The following ALDH5A1 variants were observed in gnomAD, a reference collection of about 807,000 sequenced individuals.
ALDH5A1 encodes the protein succinate-semialdehyde dehydrogenase, mitochondrial.
A neutral mutation model predicts 54.7 loss-of-function variants in ALDH5A1; 33 were observed. That is an observed-to-expected ratio of 0.60 (90% confidence interval 0.46 to 0.81). ALDH5A1 has a LOEUF of 0.81. Among genes scored for constraint, ALDH5A1 ranks in the 30% least tolerant of loss-of-function variants. The probability of loss-of-function intolerance (pLI) is 0.00; values close to 1 mark genes in which losing one functional copy is unlikely to be tolerated. For synonymous variants in ALDH5A1, 294 were observed against 292.7 expected (o/e 1.00, Z -0.05); for missense variants, 657 against 711.0 (o/e 0.92, Z 0.86).
chr6:24,495,251 C>G lies in ALDH5A1; in HGVS notation c.255C>G (p.Ala85=), dbSNP rs1307947596. The change falls in exon 1 of 10, where the codon GCC becomes GCG. Residue 85 remains alanine (A), a synonymous_variant. Transcript: ENST00000357578. ...CCGTGCAAGACCCGGCCAGCGGCGC[C>G]GCTCTGGGCATGGTAGCCGACTGCG... The part of the protein sequence containing the change: ...TFPVQDPASG[A]ALGMVADCGV... The G allele has an allele frequency of 9.2e-6, 14 of 1,526,736 alleles. No individual in the cohort carries two copies. Among genetic ancestry groups the G allele is most frequent in the Non-Finnish European group, 1.2e-5 (14 of 1,143,776 alleles). 94.6% of individuals were successfully genotyped at this position (1,526,736 alleles called of 1,614,324 possible). A position where few individuals can be genotyped will look rare whatever the true frequency, so the allele number is the denominator to read the frequency against.
At chr6:24,516,000 AC>A (rs1264961331) in intron 5 of ALDH5A1, among the ~76,000 whole-genome samples, 1 of 152,210 alleles carries the variant, frequency 6.6e-6, no homozygotes, top group East Asian at 1.9e-4. Context: ...TTTGAATTGA[AC>A]AAAAATGTGT....
chr6:24,536,103 GT>G lies in ALDH5A1; in HGVS notation c.*2396del, dbSNP rs1760042671. 6.6e-6 allele frequency: 1 copy of G among 152,058 alleles called. No homozygotes were observed. The highest frequency in any genetic ancestry group is 1.5e-5 in the Non-Finnish European group (1 of 68,006). 9.4% of individuals were successfully genotyped at this position (152,058 alleles called of 1,614,324 possible). A position where few individuals can be genotyped will look rare whatever the true frequency, so the allele number is the denominator to read the frequency against. On this transcript the variant is annotated 3_prime_UTR_variant, in exon 10 of 10. Coordinates refer to ENST00000357578, the MANE Select transcript of ALDH5A1 (RefSeq NM_001080.3). ...GAAAGAGAATTATTTTTAACTGAAC[GT>G]TTTTGTTGTTTTTTAAATAAAGTAG...
chr6:24,533,662 G>A lies in ALDH5A1; in HGVS notation c.1558G>A (p.Gly520Ser), dbSNP rs1179619995. ...CCTTGGGCGAGAGGGGTCCAAGTAT[G>A]GCATTGATGAGTATCTGGAACTCAA... ...SGLGREGSKY[G>S]IDEYLELKYV... The change falls in exon 10 of 10, where the codon GGC (glycine) becomes AGC (serine). Residue 520 changes from glycine to serine, a missense_variant. Coordinates refer to ENST00000357578, the MANE Select transcript of ALDH5A1 (RefSeq NM_001080.3). 2.7e-5 allele frequency: 44 copies of A among 1,613,982 alleles called. No individual in the cohort carries two copies. Among genetic ancestry groups the A allele is most frequent in the Non-Finnish European group, 3.5e-5 (41 of 1,180,018 alleles).
chr6:24,530,345 T>C (rs1000250698), intron 8 of ALDH5A1, among the ~76,000 whole-genome samples: 5 of 152,156 alleles, frequency 3.3e-5, no homozygotes, highest in Non-Finnish European at 4.4e-5. Context: ...TACTTTGCTG[T>C]GGCTATTTTT....
rs1759664906 is a variant in ALDH5A1 at position 24,520,646 on chromosome 6, G to T, written c.1014+102G>T. On this transcript the variant is annotated intron_variant, in intron 6 of 9. Transcript: ENST00000357578. ...TGTGTGCATGTGAGTGTGTGTGTGTGTGCGTGTGTGTGTGTTACAAAGATC... is the reference window on the plus strand; with the variant it reads ...TGTGTGCATGTGAGTGTGTGTGTGTTTGCGTGTGTGTGTGTTACAAAGATC... 1.9e-5 allele frequency: 29 copies of T among 1,495,152 alleles called. 1 individual carries two copies. The South Asian group carries it at 3.0e-4, about 15-fold the overall frequency. The allele number at this position is 1,495,152 out of a possible 1,614,324, so 92.6% of individuals were successfully genotyped here.
chr6:24,516,963 T>C (rs183959954), intron 5 of ALDH5A1, among the ~76,000 whole-genome samples: 55 of 152,276 alleles, frequency 3.6e-4, no homozygotes, highest in Non-Finnish European at 7.2e-4. Flanking sequence ...TTCAAAGATT[T>C]TGTGCATCTA....
intron 8 of ALDH5A1, 74 bp from the exon 9 acceptor site, chr6:24,532,045 A>G (rs1430329611): frequency 3.6e-6 from 5 of 1,405,984 alleles, no homozygotes; most frequent in Non-Finnish European, 5.0e-6. Flanking sequence ...TTGGGAAACA[A>G]ATCAGAAGAA....
At chr6:24,529,616 G>T (rs1759889113) in intron 8 of ALDH5A1, among the ~76,000 whole-genome samples, 1 of 148,280 alleles carries the variant, frequency 6.7e-6, no homozygotes. Flanking sequence ...ACACAGTGAG[G>T]TTTTTCAGTT....
At chr6:24,531,231 C>T (rs990359822) in intron 8 of ALDH5A1, among the ~76,000 whole-genome samples, 1 of 152,102 alleles carries the variant, frequency 6.6e-6, no homozygotes, top group Non-Finnish European at 1.5e-5. Context: ...ATTTTTATTC[C>T]ACTGTTGGGG....
rs781512948 is a variant in ALDH5A1, at chr6:24,533,721, G to C, written c.*9G>C. On this transcript the variant is annotated 3_prime_UTR_variant, in exon 10 of 10. Coordinates refer to ENST00000357578, the MANE Select transcript of ALDH5A1 (RefSeq NM_001080.3). ...GTTACGGGGGCTTGTAGGATTCTTT[G>C]GTTCTTTAAAAAAATTTAAAAGGAG... The C allele has an allele frequency of 3.7e-6, 6 of 1,613,154 alleles. No individual in the cohort carries two copies. The highest frequency in any genetic ancestry group is 5.1e-6 in the Non-Finnish European group (6 of 1,179,648).
intron 9 of ALDH5A1, among the ~76,000 whole-genome samples, chr6:24,532,756 T>C (rs1759960092): frequency 6.6e-6 from 1 of 152,118 alleles, no homozygotes. Flanking sequence ...GATGCCACTA[T>C]AGCTCTATAG....
Position 24,494,979 on chromosome 6 carries a change from G to T in ALDH5A1, c.-18G>T. On this transcript the variant is annotated 5_prime_UTR_variant, in exon 1 of 10. Coordinates refer to ENST00000357578, the MANE Select transcript of ALDH5A1 (RefSeq NM_001080.3). The stretch of plus-strand genomic sequence containing the variant: ...CGCGCCCGCTTGCCTGTTTCCTGTC[G>T]CCGTCGTTGCCCGGGCCATGGCGAC... 7.6e-7 allele frequency: 1 copy of T among 1,310,808 alleles called. No individual in the cohort carries two copies. Among genetic ancestry groups the T allele is most frequent in the African/African-American group, 1.5e-5 (1 of 66,256 alleles). The allele number at this position is 1,310,808 out of a possible 1,614,324, so 81.2% of individuals were successfully genotyped here.
At chr6:24,506,972 C>A (rs188712657) in intron 4 of ALDH5A1, among the ~76,000 whole-genome samples, 64 of 152,288 alleles carry the variant, frequency 4.2e-4, no homozygotes, top group Admixed American at 4.0e-3. Flanking sequence ...GGATCTGGTC[C>A]AGGATATCCC....
chr6:24,503,518 T>C, intron 3 of ALDH5A1, 85 bp downstream of exon 3: 1 of 1,508,970 alleles, frequency 6.6e-7, no homozygotes, highest in Non-Finnish European at 9.0e-7. Flanking sequence ...TGAGCAGGTG[T>C]GCTCATCCTG....
intron 5 of ALDH5A1, among the ~76,000 whole-genome samples, chr6:24,517,897 C>T (rs1050967017): frequency 6.6e-6 from 1 of 152,218 alleles, no homozygotes; most frequent in Non-Finnish European, 1.5e-5. Context: ...CCTGCCCTGC[C>T]CTTGCCACTT....
At chr6:24,504,828 G>A (rs1414884217) in intron 3 of ALDH5A1, 41 bp from the exon 4 acceptor site, 4 of 1,569,600 alleles carry the variant, frequency 2.5e-6, no homozygotes, top group Admixed American at 1.7e-5. Context: ...TAAGGAGGTG[G>A]TCCTTCCTCT....
intron 9 of ALDH5A1, among the ~76,000 whole-genome samples, chr6:24,532,433 C>G (rs1402895362): frequency 2.0e-5 from 3 of 152,180 alleles, no homozygotes; most frequent in South Asian, 2.1e-4. Context: ...TTCTACTTTT[C>G]TAGGTGGAGA....
chr6:24,526,893 ATATATATCTAC>A (rs1759810649), intron 7 of ALDH5A1, among the ~76,000 whole-genome samples: 1 of 100,458 alleles, frequency 1.0e-5, no homozygotes, highest in Admixed American at 1.0e-4. Context: ...TATATTCTAT[ATATATATCTAC>A]TATATATATA....
At chr6:24,519,175 T>C (rs1322310827) in intron 5 of ALDH5A1, among the ~76,000 whole-genome samples, 1 of 152,072 alleles carries the variant, frequency 6.6e-6, no homozygotes, top group Non-Finnish European at 1.5e-5. Flanking sequence ...GTTTTTTTAA[T>C]GGCAAGGATG....
Sources: gnomAD v4.1 joint callset for allele counts (sites outside exome capture counted in the v4.1 genomes callset) on GRCh38, gnomAD v4.1.1 for gene constraint, MANE v1.5 for transcripts, NCBI Gene and HGNC (gene_info 2026-07-23, HGNC 2026-07-21) for gene names.